Variants in ZC3H12B observed in about 807,000 individuals in gnomAD.
The protein encoded by ZC3H12B is probable ribonuclease ZC3H12B.
In ZC3H12B, 7 loss-of-function variants were observed where a neutral mutation model predicts 43.9. That is an observed-to-expected ratio of 0.16 (90% CI 0.09 to 0.30). ZC3H12B has a LOEUF of 0.30. ZC3H12B is among the 10% of genes least tolerant of loss of function. The probability of loss-of-function intolerance (pLI) is 1.00; values close to 1 mark genes in which losing one functional copy is unlikely to be tolerated. For missense variants in ZC3H12B, 475 were observed against 670.2 expected, an observed-to-expected ratio of 0.71 and a Z score of 3.22; for synonymous variants, 222 against 241.7, an observed-to-expected ratio of 0.92 and a Z score of 0.76.
chrX:65,457,054 C>T (rs1210751271), intron 3 of ZC3H12B, among the ~76,000 whole-genome samples: 2 of 93,992 alleles, frequency 2.1e-5, no homozygotes, highest in African/African-American at 3.9e-5. Flanking sequence ...TCTGCCCGGC[C>T]GCCCATCGTC....
the ZC3H12B span, among the ~76,000 whole-genome samples, chrX:65,172,547 T>G: frequency 8.9e-6 from 1 of 112,506 alleles, no homozygotes; most frequent in Non-Finnish European, 1.9e-5. Context: ...CTAGGATTTT[T>G]ATGGTTTTGG....
chrX:65,153,983 A>G, the ZC3H12B span, among the ~76,000 whole-genome samples: 3 of 111,543 alleles, frequency 2.7e-5, no homozygotes, highest in Non-Finnish European at 5.6e-5. Context: ...TGCAAGGACA[A>G]AAAACCAAAC....
chrX:65,392,539 C>T (rs2066636941), intron 2 of ZC3H12B, among the ~76,000 whole-genome samples: 1 of 111,979 alleles, frequency 8.9e-6, no homozygotes, highest in African/African-American at 3.2e-5. Context: ...GTAGCCACCC[C>T]GTCTGGGAGG....
At chrX:65,274,854 G>A in the ZC3H12B span, among the ~76,000 whole-genome samples, 1 of 111,690 alleles carries the variant, frequency 9.0e-6, no homozygotes, top group Non-Finnish European at 1.9e-5. Flanking sequence ...AATAACCTAT[G>A]TCCTGGACCT....
At chrX:65,409,090 A>G (rs1299772255) in intron 3 of ZC3H12B, among the ~76,000 whole-genome samples, 1 of 111,388 alleles carries the variant, frequency 9.0e-6, no homozygotes, top group Non-Finnish European at 1.9e-5. Flanking sequence ...TAATTCTAGT[A>G]TGCATTAAAT....
At chrX:65,069,765 G>A in the ZC3H12B span, among the ~76,000 whole-genome samples, 3 of 112,116 alleles carry the variant, frequency 2.7e-5, no homozygotes, top group African/African-American at 9.7e-5. Flanking sequence ...TGATTTGCAT[G>A]TGTTGAACCA....
In ZC3H12B at chrX:65,436,835, C is replaced by T. The variant is rs765737624; in HGVS notation, n.407+38131C>T. Among the ~76,000 whole-genome samples, 121 of 111,434 alleles carry T rather than the reference C, an allele frequency of 1.1e-3. 1 individual carries two copies. Among genetic ancestry groups the T allele is most frequent in the Non-Finnish European group, 1.8e-3 (98 of 53,110 alleles). On this transcript the variant is annotated intron_variant and non_coding_transcript_variant, in intron 3 of 5. Coordinates refer to the ZC3H12B transcript ENST00000617377. ...AAGCATTTATCATTTCTTTGTGTTA[C>T]GAACATTCCAATTATACTCTTTCAG... is the stretch of plus-strand genomic sequence containing the variant.
chrX:65,354,547 C>T, the ZC3H12B span, among the ~76,000 whole-genome samples: 1 of 111,519 alleles, frequency 9.0e-6, no homozygotes, highest in East Asian at 2.8e-4. Flanking sequence ...AGCAGAATGC[C>T]TCTTCTCCCC....
the ZC3H12B span, among the ~76,000 whole-genome samples, chrX:65,276,719 T>C: frequency 8.9e-6 from 1 of 111,784 alleles, no homozygotes; most frequent in African/African-American, 3.2e-5. Context: ...ATCTGGAAAC[T>C]ATAAAACTCA....
the ZC3H12B span, among the ~76,000 whole-genome samples, chrX:65,270,754 G>A: frequency 2.7e-5 from 3 of 111,720 alleles, no homozygotes; most frequent in Non-Finnish European, 5.6e-5. Context: ...CTTGGCATTG[G>A]CACTGACTTC....
At chrX:65,142,732 C>T in the ZC3H12B span, among the ~76,000 whole-genome samples, 1 of 112,569 alleles carries the variant, frequency 8.9e-6, no homozygotes, top group Middle Eastern at 4.6e-3. Context: ...AGCCAATTAT[C>T]CCAGCAACAT....
intron 2 of ZC3H12B, among the ~76,000 whole-genome samples, chrX:65,397,718 A>G (rs958905683): frequency 2.7e-5 from 3 of 112,003 alleles, no homozygotes; most frequent in African/African-American, 9.7e-5. Context: ...TAAGATCAGG[A>G]ATACAACAAG....
chrX:65,468,650 A>ATTTTTTTT (rs60716703), intron 3 of ZC3H12B, among the ~76,000 whole-genome samples: 5 of 74,896 alleles, frequency 6.7e-5, no homozygotes, highest in Admixed American at 1.5e-4. Flanking sequence ...TGCCCGGCTA[A>ATTTTTTTT]TTTTTTTTTT....
chrX:65,046,836 A>G, the ZC3H12B span, among the ~76,000 whole-genome samples: 3 of 111,281 alleles, frequency 2.7e-5, no homozygotes, highest in African/African-American at 9.8e-5. Flanking sequence ...TTAAAAGGCC[A>G]TTGTAGGGTT....
chrX:65,330,387 G>T, the ZC3H12B span, among the ~76,000 whole-genome samples: 1 of 111,065 alleles, frequency 9.0e-6, no homozygotes, highest in African/African-American at 3.3e-5. Flanking sequence ...CTAATTGAAT[G>T]CCCTTTATTT....
At chrX:65,251,162 C>T in the ZC3H12B span, among the ~76,000 whole-genome samples, 1 of 111,695 alleles carries the variant, frequency 9.0e-6, no homozygotes, top group East Asian at 2.8e-4. Flanking sequence ...ATATGGCTAG[C>T]CAGTTTTCCC....
intron 2 of ZC3H12B, among the ~76,000 whole-genome samples, chrX:65,378,934 C>A (rs764706681): frequency 8.9e-6 from 1 of 112,572 alleles, no homozygotes; most frequent in African/African-American, 3.2e-5. Context: ...AGATTATATC[C>A]CCCACATGGT....
At chrX:65,501,239 C>CTTTTT (rs770490342) in intron 4 of ZC3H12B, among the ~76,000 whole-genome samples, 5 of 63,346 alleles carry the variant, frequency 7.9e-5, no homozygotes, top group Non-Finnish European at 1.3e-4. Flanking sequence ...TCAGCTTTAG[C>CTTTTT]TTTTTTTTTT....
the ZC3H12B span, among the ~76,000 whole-genome samples, chrX:65,261,321 C>G: frequency 9.0e-6 from 1 of 111,723 alleles, no homozygotes; most frequent in Admixed American, 9.5e-5. Context: ...TAATCAGCAA[C>G]GTCTTTAACC....
Sources: allele counts gnomAD v4.1 joint callset (sites outside exome capture counted in the v4.1 genomes callset), GRCh38; gene constraint gnomAD v4.1.1; transcripts MANE v1.5; gene names NCBI Gene and HGNC (gene_info 2026-07-23, HGNC 2026-07-21).